The following PCDHGA8 variants were observed in gnomAD, a reference collection of about 807,000 sequenced individuals.
The protein encoded by PCDHGA8 is protocadherin gamma-A8.
In PCDHGA8, 45 loss-of-function variants were observed where a neutral mutation model predicts 59.2. The observed-to-expected ratio is 0.76, with a 90% CI of 0.60 to 0.98. The LOEUF is 0.98. Ranked by LOEUF, PCDHGA8 falls within the 50% of genes least tolerant of loss-of-function variation. The probability of loss-of-function intolerance (pLI) is 0.00; values close to 1 mark genes in which losing one functional copy is unlikely to be tolerated. For synonymous variants in PCDHGA8, 531 were observed against 519.0 expected, an observed-to-expected ratio of 1.02 and a Z score of -0.32; for missense variants, 1,257 against 1,196.2, an observed-to-expected ratio of 1.05 and a Z score of -0.75.
chr5:141,435,467 G>A (rs1019246812), intron 1 of PCDHGA8, among the ~76,000 whole-genome samples: 3 of 152,146 alleles, frequency 2.0e-5, no homozygotes, highest in Non-Finnish European at 2.9e-5. Context: ...GTGTTTCCAA[G>A]TTAGACATTT....
At position 141,486,315 on chromosome 5, in the gene PCDHGA8, C is replaced by T. The variant is rs1432435944; in HGVS notation, c.2425-8492C>T. The T allele has an allele frequency of 6.2e-7, 1 of 1,614,066 alleles. No individual in the cohort carries two copies. Among genetic ancestry groups the T allele is most frequent in the East Asian group, 2.2e-5 (1 of 44,862 alleles). ...AGTGTGCAGGATCCAGACTCAGGGT[C>T]AAACGGAGATGTGAGCCTCCGCATT... On this transcript the variant is annotated intron_variant, in intron 1 of 3. Transcript: ENST00000398604. The surrounding 1 kb of genome is among the most constrained non-coding windows in gnomAD (Gnocchi z 5.0).
chr5:141,499,402 A>G (rs2099791723), intron 2 of PCDHGA8, among the ~76,000 whole-genome samples: 2 of 152,212 alleles, frequency 1.3e-5, no homozygotes, highest in South Asian at 4.1e-4. Context: ...GTACATGCTC[A>G]TTATAGAAAC....
intron 1 of PCDHGA8, among the ~76,000 whole-genome samples, chr5:141,407,761 G>T (rs938743690): frequency 6.6e-6 from 1 of 152,132 alleles, no homozygotes; most frequent in Non-Finnish European, 1.5e-5. Context: ...GTATAAGTTT[G>T]AAATTGTGCA....
Position 141,490,389 on chromosome 5 carries a change from T to C in PCDHGA8, c.2425-4418T>C, listed in dbSNP as rs1221410350. The C allele has an allele frequency of 6.2e-7, 1 of 1,614,174 alleles. No homozygotes were observed. Among genetic ancestry groups the C allele is most frequent in the African/African-American group, 1.3e-5 (1 of 75,040 alleles). On this transcript the variant is annotated intron_variant, in intron 1 of 3. Transcript: ENST00000398604. The surrounding 1 kb of genome is among the most constrained non-coding windows in gnomAD (Gnocchi z 5.4). The stretch of plus-strand genomic sequence containing the variant: ...GAGACCGGGACTCAGGTAGAAATGG[T>C]GAAGTGAGCCTTGATATCTCTCCGG...
At chr5:141,421,081 A>G (rs775366249) in intron 1 of PCDHGA8, 61 of 637,820 alleles carry the variant, frequency 9.6e-5, no homozygotes, top group Non-Finnish European at 1.4e-4. Flanking sequence ...ATGGATACTC[A>G]CAGATCCTGA....
At chr5:141,480,894 C>CA (rs1235468010) in intron 1 of PCDHGA8, among the ~76,000 whole-genome samples, 15 of 151,848 alleles carry the variant, frequency 9.9e-5, no homozygotes, top group African/African-American at 3.4e-4. Context: ...AAAATGCAAA[C>CA]ATTAGCTGGG....
chr5:141,396,439 T>C (rs1191341482), intron 1 of PCDHGA8: 1 of 152,138 alleles, frequency 6.6e-6, no homozygotes, highest in African/African-American at 2.4e-5. Flanking sequence ...GCAAACATGG[T>C]GAAACCCCGT....
chr5:141,481,317 C>T (rs2099535550), intron 1 of PCDHGA8, among the ~76,000 whole-genome samples: 1 of 152,182 alleles, frequency 6.6e-6, no homozygotes, highest in African/African-American at 2.4e-5. Context: ...CTTCCTAAAG[C>T]ACTAGCCCCT....
In PCDHGA8 at chr5:141,392,855, C is replaced by T. The variant is rs756361613; in HGVS notation, c.42C>T (p.Ile14=). The T allele has an allele frequency of 6.2e-7, 1 of 1,612,176 alleles. No homozygotes were observed. The highest frequency in any genetic ancestry group is 8.5e-7 in the Non-Finnish European group (1 of 1,179,276). The change falls in exon 1 of 4, where the codon ATC becomes ATT. Residue 14 remains isoleucine (I), a synonymous_variant. Transcript: ENST00000398604. The part of the protein sequence containing the change: ...PQSRPRRGEL[I]LLCALLGTLW... ...GTCGCCCCAGACGCGGCGAGCTGAT[C>T]CTGCTGTGCGCGCTGCTGGGAACGC... is the stretch of plus-strand genomic sequence containing the variant.
At chr5:141,468,797 C>A (rs191599825) in intron 1 of PCDHGA8, among the ~76,000 whole-genome samples, 1 of 151,770 alleles carries the variant, frequency 6.6e-6, no homozygotes, top group East Asian at 1.9e-4. Context: ...ACCCGGGAGG[C>A]GGAACTTGCA....
chr5:141,471,591 A>T (rs925105880), intron 1 of PCDHGA8: 1 of 152,294 alleles, frequency 6.6e-6, no homozygotes, highest in South Asian at 2.1e-4. Context: ...AGTAATTGAT[A>T]GTTTCAAAAT....
intron 1 of PCDHGA8, among the ~76,000 whole-genome samples, chr5:141,425,997 A>T (rs1365887915): frequency 6.6e-6 from 1 of 152,174 alleles, no homozygotes; most frequent in African/African-American, 2.4e-5. Context: ...GAATTAGCAA[A>T]GGCTTCCGGC....
intron 1 of PCDHGA8, chr5:141,404,457 C>T: frequency 6.2e-7 from 1 of 1,612,824 alleles, no homozygotes; most frequent in Non-Finnish European, 8.5e-7. Flanking sequence ...TCTCCTCTCT[C>T]CACCTATGTC....
intron 1 of PCDHGA8, among the ~76,000 whole-genome samples, chr5:141,472,980 C>CAAAAAAAAAAAAAA (rs60579131): frequency 5.8e-5 from 5 of 86,102 alleles, no homozygotes; most frequent in Admixed American, 1.2e-4. Context: ...GAGTGAAACT[C>CAAAAAAAAAAAAAA]AAAAAAAAAA....
At chr5:141,402,456 C>T (rs1052745008) in intron 1 of PCDHGA8, among the ~76,000 whole-genome samples, 1 of 152,050 alleles carries the variant, frequency 6.6e-6, no homozygotes, top group African/African-American at 2.4e-5. Flanking sequence ...TAATAGTTTA[C>T]ATATCTAGAA....
intron 1 of PCDHGA8, chr5:141,422,759 A>G (rs2096670710): frequency 6.2e-7 from 1 of 1,613,252 alleles, no homozygotes; most frequent in Non-Finnish European, 8.5e-7. Flanking sequence ...ATTAACTCCA[A>G]CACTGGTGTT....
intron 1 of PCDHGA8, chr5:141,409,251 C>T (rs2095247124): frequency 6.2e-7 from 1 of 1,613,922 alleles, no homozygotes; most frequent in Non-Finnish European, 8.5e-7. Context: ...ATAATCATCA[C>T]TTCTCTCTCT....
intron 1 of PCDHGA8, chr5:141,418,101 G>T: frequency 6.2e-7 from 1 of 1,614,082 alleles, no homozygotes; most frequent in Non-Finnish European, 8.5e-7. Context: ...GACGCGCAGA[G>T]CGGGGACTTA....
intron 1 of PCDHGA8, chr5:141,404,498 G>A (rs1237860716): frequency 6.2e-7 from 1 of 1,613,878 alleles, no homozygotes; most frequent in East Asian, 2.2e-5. Context: ...TGTGCTGTAT[G>A]CTCTGTGCTC....
Sources: gnomAD v4.1 joint callset for allele counts (sites outside exome capture counted in the v4.1 genomes callset) on GRCh38, gnomAD v4.1.1 for gene constraint, Gnocchi (gnomAD v3.1) non-coding constraint, MANE v1.5 for transcripts, NCBI Gene and HGNC (gene_info 2026-07-23, HGNC 2026-07-21) for gene names.